The following NAIF1 variants were observed in gnomAD, a reference collection of about 807,000 sequenced individuals.
The protein encoded by NAIF1 is nuclear apoptosis-inducing factor 1.
In NAIF1, 14 loss-of-function variants were observed where a neutral mutation model predicts 20.7. That is an observed-to-expected ratio of 0.67 (90% confidence interval 0.45 to 1.05). NAIF1 has a LOEUF of 1.05. Among genes scored for constraint, NAIF1 ranks in the 50% least tolerant of loss-of-function variants. NAIF1 has a pLI of 0.00. For synonymous variants in NAIF1, 191 were observed against 191.4 expected, an observed-to-expected ratio of 1.00 and a Z score of 0.02; for missense variants, 362 against 448.8, an observed-to-expected ratio of 0.81 and a Z score of 1.75.
At chr9:128,065,399 G>A (rs1479921741) in intron 1 of NAIF1, among the ~76,000 whole-genome samples, 3 of 152,086 alleles carry the variant, frequency 2.0e-5, no homozygotes, top group African/African-American at 7.2e-5. Flanking sequence ...TTACAGGAGT[G>A]AGCCACCATG....
In NAIF1 at chr9:128,067,257, C is replaced by A; in HGVS notation, c.-156G>T. ...GCACTAGGCCTTTGGTAACCCCCCT[C>A]GCTACGCAAAGTGCGTAGGGCCCAG... On this transcript the variant is annotated 5_prime_UTR_variant, in exon 1 of 2. Transcript: ENST00000373078. The A allele has an allele frequency of 1.1e-6, 1 of 921,246 alleles. No individual in the cohort carries two copies. The highest frequency in any genetic ancestry group is 1.6e-6 in the Non-Finnish European group (1 of 633,206). 57.1% of individuals were successfully genotyped at this position (921,246 alleles called of 1,614,324 possible).
In NAIF1 at chr9:128,066,656, T is replaced by C; in HGVS notation, c.446A>G (p.Glu149Gly). 1 of 1,581,780 alleles carries C rather than the reference T, an allele frequency of 6.3e-7. No individual in the cohort carries two copies. The highest frequency in any genetic ancestry group is 8.6e-7 in the Non-Finnish European group (1 of 1,162,918). Reference sequence around the variant, plus strand: ...GGGTCCGAGGGCCACAGGGTGGATCTCTGTGGTGCTGGGCAGGCTGATGAT... The same window carrying C: ...GGGTCCGAGGGCCACAGGGTGGATCCCTGTGGTGCTGGGCAGGCTGATGAT... Reference protein sequence around the residue: ...ATIISLPSTTEIHPVALGPSA... With the variant: ...ATIISLPSTTGIHPVALGPSA... The change falls in exon 1 of 2, where the codon GAG (glutamate) becomes GGG (glycine). Residue 149 changes from glutamate (E) to glycine (G), a missense_variant. Coordinates refer to ENST00000373078, the MANE Select transcript of NAIF1 (RefSeq NM_197956.4).
Position 128,067,259 on chromosome 9 carries a change from C to T in NAIF1, c.-158G>A. On this transcript the variant is annotated 5_prime_UTR_variant, in exon 1 of 2. Coordinates refer to ENST00000373078, the MANE Select transcript of NAIF1 (RefSeq NM_197956.4). ...ACTAGGCCTTTGGTAACCCCCCTCG[C>T]TACGCAAAGTGCGTAGGGCCCAGCC... The T allele has an allele frequency of 1.1e-6, 1 of 900,722 alleles. No homozygotes were observed. The highest frequency in any genetic ancestry group is 1.6e-6 in the Non-Finnish European group (1 of 614,826). 55.8% of individuals were successfully genotyped at this position (900,722 alleles called of 1,614,324 possible).
Position 128,067,155 on chromosome 9 carries a change from A to C in NAIF1, c.-54T>G. The stretch of plus-strand genomic sequence containing the variant: ...AATTATAATCCCCTCAAGCGCCCCA[A>C]TTCCCCTTCTCTTCTTCCTCAGCCT... On this transcript the variant is annotated 5_prime_UTR_variant, in exon 1 of 2. Transcript: ENST00000373078. 6.6e-7 allele frequency: 1 copy of C among 1,522,458 alleles called. No homozygotes were observed. Among genetic ancestry groups the C allele is most frequent in the African/African-American group, 1.4e-5 (1 of 72,448 alleles). The allele number at this position is 1,522,458 out of a possible 1,614,324, so 94.3% of individuals were successfully genotyped here.
rs1212931594 is a variant in NAIF1, at chr9:128,063,462, G to A, written c.950C>T (p.Ala317Val). The change falls in exon 2 of 2, where the codon GCC becomes GTC. Residue 317 changes from alanine to valine, a missense_variant. Coordinates refer to ENST00000373078, the MANE Select transcript of NAIF1 (RefSeq NM_197956.4). The surrounding 1 kb of genome is among the most constrained non-coding windows in gnomAD (Gnocchi z 4.3). ...PAPASDPGQV[A>V]QNGQPDSIIQ ...GATGCTGTCTGGCTGCCCATTCTGG[G>A]CCACCTGCCCAGGGTCAGAGGCGGG... 1.9e-6 allele frequency: 3 copies of A among 1,609,112 alleles called. No homozygotes were observed. Among genetic ancestry groups the A allele is most frequent in the East Asian group, 2.2e-5 (1 of 44,882 alleles).
At position 128,062,545 on chromosome 9, in the gene NAIF1, AGGG is replaced by A. The variant is rs67868479; in HGVS notation, c.*880_*882del. On this transcript the variant is annotated 3_prime_UTR_variant, in exon 2 of 2. Transcript: ENST00000373078. ...CAGCCTTCCTGGAGGCCTTCCTAGG[AGGG>A]GTTCACACACAGAATAAATACAACT... 0.065 allele frequency: 9,977 copies of A among 152,328 alleles called. 447 individuals are homozygous for A. The highest frequency in any genetic ancestry group is 0.1 in the Non-Finnish European group (7,102 of 68,078). The allele number at this position is 152,328 out of a possible 1,614,324, so 9.4% of individuals were successfully genotyped here.
At position 128,061,501 on chromosome 9, in the gene NAIF1, G is replaced by C. The variant is rs1832717030; in HGVS notation, c.*1927C>G. The stretch of plus-strand genomic sequence containing the variant: ...ACTGAGAAGAGCTTTCCTTCTACCA[G>C]CAACTCCCTCGCTGGGTCCGATATC... On this transcript the variant is annotated 3_prime_UTR_variant, in exon 2 of 2. Coordinates refer to ENST00000373078, the MANE Select transcript of NAIF1 (RefSeq NM_197956.4). 2.0e-5 allele frequency: 3 copies of C among 152,278 alleles called. No homozygotes were observed. Among genetic ancestry groups the C allele is most frequent in the Admixed American group, 1.3e-4 (2 of 15,270 alleles). 9.4% of individuals were successfully genotyped at this position (152,278 alleles called of 1,614,324 possible).
In NAIF1 at chr9:128,063,068, G is replaced by C. The variant is rs1264526573; in HGVS notation, c.*360C>G. 3.6e-6 allele frequency: 1 copy of C among 279,888 alleles called. No individual in the cohort carries two copies. The highest frequency in any genetic ancestry group is 6.9e-6 in the Non-Finnish European group (1 of 145,842). 17.3% of individuals were successfully genotyped at this position (279,888 alleles called of 1,614,324 possible). On this transcript the variant is annotated 3_prime_UTR_variant, in exon 2 of 2. Coordinates refer to ENST00000373078, the MANE Select transcript of NAIF1 (RefSeq NM_197956.4). The surrounding 1 kb of genome is among the most constrained non-coding windows in gnomAD (Gnocchi z 4.3). ...GTTGGGCAGCTCAGTAGAGACCCAG[G>C]CTGGGTGACGGCCCCCAGTGACAGC...
Position 128,067,275 on chromosome 9 carries a change from G to T in NAIF1, c.-174C>A. ...CCCCCCTCGCTACGCAAAGTGCGTA[G>T]GGCCCAGCCCCGACCGGCCCGGCCG... On this transcript the variant is annotated 5_prime_UTR_variant, in exon 1 of 2. Coordinates refer to ENST00000373078, the MANE Select transcript of NAIF1 (RefSeq NM_197956.4). 3.9e-6 allele frequency: 3 copies of T among 768,556 alleles called. No individual in the cohort carries two copies. In the South Asian group the frequency reaches 6.5e-5, roughly 17 times the overall value. 47.6% of individuals were successfully genotyped at this position (768,556 alleles called of 1,614,324 possible).
intron 1 of NAIF1, among the ~76,000 whole-genome samples, chr9:128,065,090 A>G (rs1588734547): frequency 7.0e-6 from 1 of 143,150 alleles, no homozygotes; most frequent in African/African-American, 2.6e-5. Flanking sequence ...CATTAGTCCT[A>G]CCTCCTTTGA....
chr9:128,063,291 A>T lies in NAIF1; in HGVS notation c.*137T>A. The T allele has an allele frequency of 1.3e-6, 1 of 768,406 alleles. No individual in the cohort carries two copies. Among genetic ancestry groups the T allele is most frequent in the Non-Finnish European group, 2.1e-6 (1 of 484,974 alleles). The allele number at this position is 768,406 out of a possible 1,614,324, so 47.6% of individuals were successfully genotyped here. On this transcript the variant is annotated 3_prime_UTR_variant, in exon 2 of 2. Coordinates refer to ENST00000373078, the MANE Select transcript of NAIF1 (RefSeq NM_197956.4). The surrounding 1 kb of genome is among the most constrained non-coding windows in gnomAD (Gnocchi z 4.3). ...CCAACAAATTCCTCTTCTCAAAAAC[A>T]GTGCAACCCCTAAGCGTTTATTAAA...
At position 128,066,667 on chromosome 9, in the gene NAIF1, G is replaced by C; in HGVS notation, c.435C>G (p.Pro145=). ...CCACAGGGTGGATCTCTGTGGTGCT[G>C]GGCAGGCTGATGATGGTGGCCTCGC... ...LLGEATIISL[P]STTEIHPVAL... is the part of the protein sequence containing the mutation. The change falls in exon 1 of 2, where the codon CCC becomes CCG. Residue 145 remains proline, a synonymous_variant. Coordinates refer to ENST00000373078, the MANE Select transcript of NAIF1 (RefSeq NM_197956.4). 6.3e-7 allele frequency: 1 copy of C among 1,597,588 alleles called. No homozygotes were observed. Among genetic ancestry groups the C allele is most frequent in the Non-Finnish European group, 8.5e-7 (1 of 1,171,140 alleles).
In NAIF1 at chr9:128,063,402, G is replaced by A. The variant is rs1190044813; in HGVS notation, c.*26C>T. ...TCCATGGAGTTTTCATCCCATCATG[G>A]CAGAAGGCTGGCCTGACCCCTGCCC... is the stretch of plus-strand genomic sequence containing the variant. On this transcript the variant is annotated 3_prime_UTR_variant, in exon 2 of 2. Transcript: ENST00000373078. The surrounding 1 kb of genome is among the most constrained non-coding windows in gnomAD (Gnocchi z 4.3). 6.3e-7 allele frequency: 1 copy of A among 1,583,900 alleles called. No homozygotes were observed.
chr9:128,067,243 T>C lies in NAIF1; in HGVS notation c.-142A>G. ...TTGCTCGAGGCCAAGCACTAGGCCTTTGGTAACCCCCCTCGCTACGCAAAG... is the reference window on the plus strand; with the variant it reads ...TTGCTCGAGGCCAAGCACTAGGCCTCTGGTAACCCCCCTCGCTACGCAAAG... On this transcript the variant is annotated 5_prime_UTR_variant, in exon 1 of 2. Coordinates refer to ENST00000373078, the MANE Select transcript of NAIF1 (RefSeq NM_197956.4). 9.7e-7 allele frequency: 1 copy of C among 1,028,230 alleles called. No individual in the cohort carries two copies. The highest frequency in any genetic ancestry group is 1.4e-6 in the Non-Finnish European group (1 of 722,568). 63.7% of individuals were successfully genotyped at this position (1,028,230 alleles called of 1,614,324 possible).
In NAIF1 at chr9:128,061,869, C is replaced by T. The variant is rs1387763916; in HGVS notation, c.*1559G>A. 2 of 152,250 alleles carry T rather than the reference C, an allele frequency of 1.3e-5. No individual in the cohort carries two copies. The highest frequency in any genetic ancestry group is 2.9e-5 in the Non-Finnish European group (2 of 68,076). The allele number at this position is 152,250 out of a possible 1,614,324, so 9.4% of individuals were successfully genotyped here. ...AAATGGCATCTGGGTAAAATCCTTA[C>T]AGACATCTCAGAAGAGAAAGTGTAA... is the stretch of plus-strand genomic sequence containing the variant. On this transcript the variant is annotated 3_prime_UTR_variant, in exon 2 of 2. Coordinates refer to ENST00000373078, the MANE Select transcript of NAIF1 (RefSeq NM_197956.4).
chr9:128,064,346 G>A (rs1231272909), intron 1 of NAIF1, among the ~76,000 whole-genome samples: 1 of 152,044 alleles, frequency 6.6e-6, no homozygotes, highest in South Asian at 2.1e-4. Context: ...AAAGTGCTGG[G>A]ATTACAGGCG....
At chr9:128,065,057 T>C (rs1473097225) in intron 1 of NAIF1, among the ~76,000 whole-genome samples, 2 of 151,092 alleles carry the variant, frequency 1.3e-5, no homozygotes, top group South Asian at 2.1e-4. Flanking sequence ...TGGGTGGGAC[T>C]CTACACACGC....
chr9:128,066,408 G>T, intron 1 of NAIF1, 183 bp downstream of exon 1: 2 of 544,092 alleles, frequency 3.7e-6, no homozygotes, highest in Non-Finnish European at 5.9e-6. Context: ...CAGCCCACGT[G>T]CTGAGGAAGT....
Position 128,063,559 on chromosome 9 carries a change from G to T in NAIF1, c.853C>A (p.Leu285Ile), listed in dbSNP as rs1443423992. 1.9e-6 allele frequency: 3 copies of T among 1,611,632 alleles called. No individual in the cohort carries two copies. The highest frequency in any genetic ancestry group is 1.7e-4 in the Middle Eastern group (1 of 6,060). The stretch of plus-strand genomic sequence containing the variant: ...ATCATAGGCCGGAGGACCTGGATGA[G>T]GACGCTCAGGGCAGCCTGTGTGCCC... ...MEGTQAALSVLIQVLRPMIKD... is the reference protein window; with the variant it reads ...MEGTQAALSVIIQVLRPMIKD... Residue 285 changes from leucine (L) to isoleucine (I), a missense_variant, in exon 2 of 2, where the codon CTC (leucine) becomes ATC (isoleucine). This residue lies in a region of NAIF1 where 300 missense variants were observed against 342.7 expected (regional missense o/e 0.88). Coordinates refer to ENST00000373078, the MANE Select transcript of NAIF1 (RefSeq NM_197956.4). This position sits in a 1 kb window ranked among gnomAD's most constrained non-coding sequence, Gnocchi z 4.3.
Sources: gnomAD v4.1 joint callset for allele counts (sites outside exome capture counted in the v4.1 genomes callset) on GRCh38, gnomAD v4.1.1 for gene constraint, gnomAD v4.1.1 regional missense constraint, Gnocchi (gnomAD v3.1) non-coding constraint, MANE v1.5 for transcripts, NCBI Gene and HGNC (gene_info 2026-07-23, HGNC 2026-07-21) for gene names.